The following MALRD1 variants were observed in gnomAD, a reference collection of about 807,000 sequenced individuals.
MALRD1 encodes MAM and LDL-receptor class A domain-containing protein 1.
MALRD1 carries 247 observed loss-of-function variants against 242.1 expected under a neutral mutation model. That is an observed-to-expected ratio of 1.02 (90% confidence interval 0.92 to 1.13). The LOEUF is 1.13. MALRD1 is among the 50% of genes most tolerant of loss of function. The probability of loss-of-function intolerance (pLI) is 0.00; values close to 1 mark genes in which losing one functional copy is unlikely to be tolerated. For synonymous variants in MALRD1, 995 were observed against 866.6 expected (o/e 1.15, Z -2.60); for missense variants, 2,989 against 2,533.1 (o/e 1.18, Z -3.86).
chr10:19,133,663 T>TAAAC (rs1833203200), intron 8 of MALRD1, among the ~76,000 whole-genome samples, 193 bp from the exon 9 acceptor site: 1 of 152,212 alleles, frequency 6.6e-6, no homozygotes, highest in South Asian at 2.1e-4. Flanking sequence ...CTTTACTACA[T>TAAAC]AAACATGCTT....
intron 33 of MALRD1, among the ~76,000 whole-genome samples, chr10:19,588,465 A>T (rs532783528): frequency 1.3e-5 from 2 of 152,314 alleles, no homozygotes; most frequent in South Asian, 4.1e-4. Context: ...ATTTGAAGTC[A>T]CAATTTTGAG....
intron 19 of MALRD1, among the ~76,000 whole-genome samples, chr10:19,268,081 G>T (rs147280622): frequency 1.2e-3 from 190 of 152,144 alleles, no homozygotes; most frequent in African/African-American, 4.1e-3. Flanking sequence ...CATGGAGAAG[G>T]TTGTCTAAAT....
chr10:19,381,502 A>G (rs1025442107), intron 26 of MALRD1, among the ~76,000 whole-genome samples: 1 of 151,868 alleles, frequency 6.6e-6, no homozygotes, highest in Non-Finnish European at 1.5e-5. Flanking sequence ...CATGTATTGC[A>G]TTCTCTATTA....
intron 28 of MALRD1, among the ~76,000 whole-genome samples, chr10:19,425,633 G>A (rs1341562825): frequency 6.6e-6 from 1 of 152,150 alleles, no homozygotes; most frequent in African/African-American, 2.4e-5. Context: ...CAGTGTACCT[G>A]TTCTCTGTTG....
intron 29 of MALRD1, among the ~76,000 whole-genome samples, chr10:19,451,903 G>C (rs547871898): frequency 6.6e-6 from 1 of 152,106 alleles, no homozygotes; most frequent in South Asian, 2.1e-4. Flanking sequence ...GTAGCTCCAG[G>C]TATCTATGTC....
intron 36 of MALRD1, among the ~76,000 whole-genome samples, chr10:19,628,503 A>T (rs896414022): frequency 2.6e-5 from 4 of 152,132 alleles, no homozygotes; most frequent in Admixed American, 6.6e-5. Context: ...TGAAAATGCA[A>T]ATGCCAGAAT....
Position 19,205,156 on chromosome 10 carries a change from T to C in MALRD1, c.2469T>C (p.Cys823=), listed in dbSNP as rs1190200960. The change falls in exon 17 of 40, where the codon TGT becomes TGC. Residue 823 remains cysteine, a synonymous_variant. Coordinates refer to ENST00000454679, the MANE Select transcript of MALRD1 (RefSeq NM_001142308.3). ...CTCTCCCTCTTCCTGCTGAGAGCTGTGAAGGGCTGGATCATTTCTGGTGTC... is the reference window on the plus strand; with the variant it reads ...CTCTCCCTCTTCCTGCTGAGAGCTGCGAAGGGCTGGATCATTTCTGGTGTC... ...NCTLPLPAES[C]EGLDHFWCRH... 1 of 1,550,930 alleles carries C rather than the reference T, an allele frequency of 6.4e-7. No homozygotes were observed. Among genetic ancestry groups the C allele is most frequent in the East Asian group, 2.4e-5 (1 of 40,904 alleles).
intron 21 of MALRD1, among the ~76,000 whole-genome samples, chr10:19,310,499 A>G (rs893547307): frequency 1.3e-5 from 2 of 151,600 alleles, no homozygotes; most frequent in Admixed American, 1.3e-4. Flanking sequence ...GCAAACCTGG[A>G]TTGTCAGAAG....
At chr10:19,242,799 T>C (rs977326088) in intron 18 of MALRD1, among the ~76,000 whole-genome samples, 1 of 152,086 alleles carries the variant, frequency 6.6e-6, no homozygotes, top group African/African-American at 2.4e-5. Context: ...ATCTCTTCAC[T>C]TTCAGTCTAT....
At chr10:19,226,244 G>A (rs1008260261) in intron 18 of MALRD1, among the ~76,000 whole-genome samples, 4 of 152,040 alleles carry the variant, frequency 2.6e-5, no homozygotes, top group South Asian at 2.1e-4. Flanking sequence ...TGACACTCTC[G>A]ATAGATGCAA....
intron 29 of MALRD1, 128 bp downstream of exon 29, chr10:19,450,618 A>C (rs187858605): frequency 3.7e-6 from 3 of 811,520 alleles, no homozygotes; most frequent in South Asian, 2.1e-5. Flanking sequence ...ATGGAAAGGT[A>C]TAATTTTATA....
chr10:19,490,671 A>G (rs1216192664), intron 29 of MALRD1, among the ~76,000 whole-genome samples: 1 of 152,172 alleles, frequency 6.6e-6, no homozygotes, highest in Non-Finnish European at 1.5e-5. Context: ...CTGTGATATC[A>G]AATTAAATTC....
rs1256909462 is a variant in MALRD1 at position 19,209,397 on chromosome 10, CT to C, written c.2709del (p.Leu904TrpfsTer11). 3.2e-6 allele frequency: 5 copies of C among 1,550,948 alleles called. No individual in the cohort carries two copies. The African/African-American group carries it at 6.8e-5, about 21-fold the overall frequency. ...TLNTGPMKDN[T>X]LGTAKGHYLY... ...AACACAGGGCCAATGAAAGATAACA[CT>C]CTGGGCACAGCTAAAGGACACTATC... On this transcript the variant is annotated frameshift_variant, in exon 18 of 40. Transcript: ENST00000454679. LOFTEE classifies it high-confidence loss of function.
At chr10:19,491,082 A>G (rs763999130) in intron 29 of MALRD1, 7 of 282,732 alleles carry the variant, frequency 2.5e-5, no homozygotes, top group Non-Finnish European at 4.4e-5. Context: ...AGACAGGAAC[A>G]TATCATTAAA....
rs1329058442 is a variant in MALRD1, at chr10:19,567,519, A to T, written c.5496A>T (p.Glu1832Asp). 1.3e-6 allele frequency: 2 copies of T among 1,550,464 alleles called. No individual in the cohort carries two copies. The highest frequency in any genetic ancestry group is 2.4e-5 in the South Asian group (2 of 84,058). Residue 1832 changes from glutamate (E) to aspartate (D), a missense_variant, in exon 33 of 40, where the codon GAA becomes GAT. Glu to Asp is a conservative substitution (Grantham distance 45). Transcript: ENST00000454679. The stretch of plus-strand genomic sequence containing the variant: ...TTTTAAAGGTGTATACCATTGAAGA[A>T]TCGGGGCTAAACATCCTGGTGTGGT... ...MGILKVYTIE[E>D]SGLNILVWSV...
chr10:19,512,092 A>T (rs1259039794), intron 31 of MALRD1, among the ~76,000 whole-genome samples: 1 of 152,090 alleles, frequency 6.6e-6, no homozygotes, highest in Non-Finnish European at 1.5e-5. Context: ...AGAGCTTGGT[A>T]TCATTCTCTC....
intron 35 of MALRD1, among the ~76,000 whole-genome samples, chr10:19,611,184 T>C (rs550242089): frequency 2.6e-5 from 4 of 152,074 alleles, no homozygotes; most frequent in South Asian, 2.1e-4. Context: ...TACATATTTC[T>C]ACATGAAGAA....
chr10:19,192,632 A>T (rs1266604238), intron 14 of MALRD1, among the ~76,000 whole-genome samples: 8 of 152,178 alleles, frequency 5.3e-5, no homozygotes, highest in Admixed American at 5.2e-4. Context: ...TACTTTTATT[A>T]CTACCTTATG....
chr10:19,121,905 T>G (rs985788451), intron 5 of MALRD1, among the ~76,000 whole-genome samples: 8 of 152,090 alleles, frequency 5.3e-5, no homozygotes, highest in Non-Finnish European at 2.9e-5. Context: ...CTTTGAATAG[T>G]TGTCTAGGAA....
Sources: gnomAD v4.1 joint callset for allele counts (sites outside exome capture counted in the v4.1 genomes callset) on GRCh38, gnomAD v4.1.1 for gene constraint, MANE v1.5 for transcripts, NCBI Gene and HGNC (gene_info 2026-07-23, HGNC 2026-07-21) for gene names.